Variants in SLIT2 observed in about 807,000 individuals in gnomAD.
SLIT2 encodes the protein slit homolog 2 protein.
A neutral mutation model predicts 185.7 loss-of-function variants in SLIT2; 41 were observed. The ratio of observed to expected loss-of-function variants is 0.22; its 90% CI spans 0.17 to 0.29. The LOEUF (loss-of-function observed/expected upper bound fraction) is 0.29. SLIT2 is among the 10% of genes least tolerant of loss of function. The probability of loss-of-function intolerance (pLI) is 1.00; values close to 1 mark genes in which losing one functional copy is unlikely to be tolerated. For synonymous variants in SLIT2, 693 were observed against 680.2 expected, an observed-to-expected ratio of 1.02 and a Z score of -0.29; for missense variants, 1,571 against 1,909.0, an observed-to-expected ratio of 0.82 and a Z score of 3.30.
At chr4:20,361,611 G>A (rs112035592) in intron 4 of SLIT2, among the ~76,000 whole-genome samples, 6 of 152,134 alleles carry the variant, frequency 3.9e-5, no homozygotes, top group Non-Finnish European at 7.4e-5. Context: ...AACCTAATAT[G>A]TTGGCCTTTC....
At chr4:20,584,061 T>G (rs1481779070) in intron 29 of SLIT2, among the ~76,000 whole-genome samples, 1 of 151,976 alleles carries the variant, frequency 6.6e-6, no homozygotes, top group Non-Finnish European at 1.5e-5. Context: ...AGTGTGATAC[T>G]CCCTCTGGTA....
At chr4:20,370,593 T>G (rs957634905) in intron 4 of SLIT2, among the ~76,000 whole-genome samples, 1 of 152,126 alleles carries the variant, frequency 6.6e-6, no homozygotes, top group African/African-American at 2.4e-5. Flanking sequence ...TCCATGGACA[T>G]TTCAAACTTG....
intron 4 of SLIT2, among the ~76,000 whole-genome samples, chr4:20,379,789 G>A (rs547726358): frequency 1.1e-4 from 16 of 152,284 alleles, no homozygotes; most frequent in Admixed American, 5.9e-4. Context: ...AACAAGGTGA[G>A]CTCCGCGACT....
intron 29 of SLIT2, among the ~76,000 whole-genome samples, chr4:20,585,381 G>T (rs1726972490): frequency 6.6e-6 from 1 of 152,192 alleles, no homozygotes; most frequent in African/African-American, 2.4e-5. Context: ...TTGCTCATCT[G>T]ATCAAAAGTG....
At chr4:20,417,436 G>GTGTGTATATATATATA (rs1553898364) in intron 4 of SLIT2, among the ~76,000 whole-genome samples, 13 of 123,678 alleles carry the variant, frequency 1.1e-4, no homozygotes, top group African/African-American at 2.0e-4. Context: ...ATGTGTGTGT[G>GTGTGTATATATATATA]TATATATATA....
intron 11 of SLIT2, among the ~76,000 whole-genome samples, chr4:20,513,551 G>C (rs1441185604): frequency 6.6e-6 from 1 of 152,190 alleles, no homozygotes; most frequent in Non-Finnish European, 1.5e-5. Flanking sequence ...CTAGGCCCTA[G>C]TAGAGGGTCT....
chr4:20,438,724 A>C lies in SLIT2; in HGVS notation c.396-29028A>C, dbSNP rs552284789. Among the ~76,000 whole-genome samples, 6 of 152,230 alleles carry C rather than the reference A, an allele frequency of 3.9e-5. No individual in the cohort carries two copies. The Middle Eastern group carries it at 0.01, about 259-fold the overall frequency. On this transcript the variant is annotated intron_variant, in intron 4 of 36. Transcript: ENST00000504154. ...CTCTCTGATCTCTCTGTTCAACAAC[A>C]CTTGCCCCCTTTCTGTTATCACAAC...
chr4:20,480,677 C>G, intron 5 of SLIT2, 39 bp from the exon 6 acceptor site: 1 of 1,496,502 alleles, frequency 6.7e-7, no homozygotes, highest in Non-Finnish European at 9.3e-7. Context: ...CAGCTACTGT[C>G]CATCCCTTCT....
intron 4 of SLIT2, among the ~76,000 whole-genome samples, chr4:20,465,183 C>A (rs1454437597): frequency 2.0e-5 from 3 of 152,160 alleles, no homozygotes; most frequent in Non-Finnish European, 4.4e-5. Context: ...CTTTAGAAAT[C>A]CCTAAATCTT....
chr4:20,505,661 C>T lies in SLIT2; in HGVS notation c.915-4834C>T, dbSNP rs913620701. On this transcript the variant is annotated intron_variant, in intron 9 of 36. Coordinates refer to ENST00000504154, the MANE Select transcript of SLIT2 (RefSeq NM_004787.4). Reference sequence around the variant, plus strand: ...AACCATTAGTTTATTTTATGTGTTACAGAGCCCATCAGTCCACAAGTGGCA... The same window carrying T: ...AACCATTAGTTTATTTTATGTGTTATAGAGCCCATCAGTCCACAAGTGGCA... Among the ~76,000 whole-genome samples the T allele has an allele frequency of 2.0e-5, 3 of 152,054 alleles. No homozygotes were observed. In the South Asian group the frequency reaches 6.2e-4, roughly 31 times the overall value.
At chr4:20,491,512 G>A (rs1454389561) in intron 8 of SLIT2, among the ~76,000 whole-genome samples, 3 of 152,108 alleles carry the variant, frequency 2.0e-5, no homozygotes, top group Non-Finnish European at 4.4e-5. Context: ...TTTCTCACAA[G>A]TTTTAAAAAT....
chr4:20,395,872 T>C (rs1725849259), intron 4 of SLIT2, among the ~76,000 whole-genome samples: 1 of 151,946 alleles, frequency 6.6e-6, no homozygotes, highest in South Asian at 2.1e-4. Context: ...TTTCAAGCAA[T>C]TTATTATGTG....
At chr4:20,287,436 C>T (rs929281218) in intron 4 of SLIT2, among the ~76,000 whole-genome samples, 29 of 152,202 alleles carry the variant, frequency 1.9e-4, no homozygotes, top group African/African-American at 6.8e-4. Flanking sequence ...TGCCTGACAA[C>T]ACCTCCCATC....
At chr4:20,489,219 C>T (rs1717550474) in intron 8 of SLIT2, among the ~76,000 whole-genome samples, 1 of 152,114 alleles carries the variant, frequency 6.6e-6, no homozygotes, top group Non-Finnish European at 1.5e-5. Flanking sequence ...AGTTTTCACT[C>T]CAGGGGAAAA....
At chr4:20,481,335 C>T (rs1560463264) in intron 6 of SLIT2, among the ~76,000 whole-genome samples, 1 of 152,056 alleles carries the variant, frequency 6.6e-6, no homozygotes, top group Non-Finnish European at 1.5e-5. Context: ...TAATTGGCAA[C>T]CTCCTTTCCT....
At chr4:20,459,177 T>TA (rs1005284395) in intron 4 of SLIT2, among the ~76,000 whole-genome samples, 57 of 150,348 alleles carry the variant, frequency 3.8e-4, no homozygotes, top group African/African-American at 1.2e-3. Context: ...CAATAATCCC[T>TA]AAAAAAAACC....
Position 20,596,589 on chromosome 4 carries a change from A to C in SLIT2, c.3495A>C (p.Ile1165=). Residue 1165 remains isoleucine, a synonymous_variant, in exon 32 of 37, where the codon ATA becomes ATC. Coordinates refer to ENST00000504154, the MANE Select transcript of SLIT2 (RefSeq NM_004787.4). ...KCEKLVSVNF[I]NKESYLQIPS... ...AAAAATTGGTTAGTGTGAATTTTAT[A>C]AACAAAGAGTCTTATCTTCAGATTC... 3.7e-6 allele frequency: 6 copies of C among 1,614,032 alleles called. No individual in the cohort carries two copies. Among genetic ancestry groups the C allele is most frequent in the Non-Finnish European group, 4.2e-6 (5 of 1,179,928 alleles).
chr4:20,529,606 CA>C (rs1034365202), intron 16 of SLIT2, among the ~76,000 whole-genome samples: 1 of 152,106 alleles, frequency 6.6e-6, no homozygotes, highest in African/African-American at 2.4e-5. Context: ...TTTTTCTGAA[CA>C]ATGCAAGAAA....
rs35122445 is a variant in SLIT2 at position 20,576,978 on chromosome 4, G to GTT, written c.3088+7985_3088+7986dup. Among the ~76,000 whole-genome samples, 498 of 146,362 alleles carry GTT rather than the reference G, an allele frequency of 3.4e-3. 3 individuals carry two copies. The highest frequency in any genetic ancestry group is 5.4e-3 in the Non-Finnish European group (361 of 66,280). ...TCTGTTTGTTTATTTGGAGAGGTAA[G>GTT]TTTTTTTTTTTTCATTTAAAAATAT... On this transcript the variant is annotated intron_variant, in intron 29 of 36. Coordinates refer to ENST00000504154, the MANE Select transcript of SLIT2 (RefSeq NM_004787.4).
Sources: gnomAD v4.1 joint callset for allele counts (sites outside exome capture counted in the v4.1 genomes callset) on GRCh38, gnomAD v4.1.1 for gene constraint, MANE v1.5 for transcripts, NCBI Gene and HGNC (gene_info 2026-07-23, HGNC 2026-07-21) for gene names.